The following PRDM11 variants were observed in gnomAD, a reference collection of about 807,000 sequenced individuals.
PRDM11 encodes PR/SET domain 11, also known as PR domain-containing protein 11.
Under a neutral mutation model 97.8 loss-of-function variants are expected in PRDM11, and 20 were observed. The observed-to-expected ratio is 0.20, with a 90% confidence interval of 0.14 to 0.30. The LOEUF is 0.30. Among genes scored for constraint, PRDM11 ranks in the 10% least tolerant of loss-of-function variants. The pLI is 1.00. For synonymous variants in PRDM11, 599 were observed against 637.7 expected (o/e 0.94, Z 0.91); for missense variants, 1,139 against 1,555.2 (o/e 0.73, Z 4.50).
chr11:45,169,059 C>T (rs1292944116), intron 1 of PRDM11, among the ~76,000 whole-genome samples: 1 of 152,214 alleles, frequency 6.6e-6, no homozygotes, highest in African/African-American at 2.4e-5. Context: ...CCCCCTCTGC[C>T]TGCCTCACCC....
chr11:45,226,180 C>T lies in PRDM11; in HGVS notation c.1555C>T (p.Arg519Trp), dbSNP rs765898182. The T allele has an allele frequency of 6.5e-7, 1 of 1,533,124 alleles. No individual in the cohort carries two copies. Among genetic ancestry groups the T allele is most frequent in the Non-Finnish European group, 8.7e-7 (1 of 1,145,990 alleles). 95.0% of individuals were successfully genotyped at this position (1,533,124 alleles called of 1,614,324 possible). ...ATGGCTGAAGAAGTTCTGGTTCCTG[C>T]GGTACTCCCCAACCCTCAATGAGAT... ...QEWLKKFWFLRYSPTLNEMWC... is the reference protein window; with the variant it reads ...QEWLKKFWFLWYSPTLNEMWC... Residue 519 changes from arginine (R) to tryptophan (W), a missense_variant, in exon 8 of 8, where the codon CGG (arginine) becomes TGG (tryptophan). This residue lies in a region of PRDM11 where 710 missense variants were observed against 1,044.9 expected (regional missense o/e 0.68). Transcript: ENST00000683152.
In PRDM11 at chr11:45,232,178, A is replaced by G. The variant is rs1854410614; in HGVS notation, c.*4019A>G. 6.6e-6 allele frequency: 1 copy of G among 152,084 alleles called. No homozygotes were observed. The highest frequency in any genetic ancestry group is 2.1e-4 in the South Asian group (1 of 4,826). The allele number at this position is 152,084 out of a possible 1,614,324, so 9.4% of individuals were successfully genotyped here. On this transcript the variant is annotated 3_prime_UTR_variant, in exon 8 of 8. Transcript: ENST00000683152. ...TTGGAGGTGGTGCCAACAGGGGGGA[A>G]AGCATGCAGAAGGCTGGAAACAATA...
intron 5 of PRDM11, among the ~76,000 whole-genome samples, chr11:45,218,023 T>C (rs1388968567): frequency 6.6e-6 from 1 of 152,246 alleles, no homozygotes; most frequent in Non-Finnish European, 1.5e-5. Flanking sequence ...TCCAGTCCTA[T>C]TGTTCTCACA....
rs1854431613 is a variant in PRDM11 at position 45,233,115 on chromosome 11, A to G, written c.*4956A>G. The G allele has an allele frequency of 6.6e-6, 1 of 152,196 alleles. No homozygotes were observed. Among genetic ancestry groups the G allele is most frequent in the African/African-American group, 2.4e-5 (1 of 41,460 alleles). 9.4% of individuals were successfully genotyped at this position (152,196 alleles called of 1,614,324 possible). A position where few individuals can be genotyped will look rare whatever the true frequency, so the allele number is the denominator to read the frequency against. The stretch of plus-strand genomic sequence containing the variant: ...TCTATATATCTATAAATAATATCCT[A>G]TATATTTATACATTTCTATGTTTTA... On this transcript the variant is annotated 3_prime_UTR_variant, in exon 8 of 8. Coordinates refer to ENST00000683152, the MANE Select transcript of PRDM11 (RefSeq NM_001384648.1).
At position 45,146,780 on chromosome 11, in the gene PRDM11, C is replaced by T. The variant is rs1187959958; in HGVS notation, c.-104C>T. The T allele has an allele frequency of 1.4e-5, 2 of 144,660 alleles. No individual in the cohort carries two copies. The highest frequency in any genetic ancestry group is 3.1e-5 in the Non-Finnish European group (2 of 65,466). 9.0% of individuals were successfully genotyped at this position (144,660 alleles called of 1,614,324 possible). ...GCCCGCAGCGCGGCCGCTCCCTCCGCGGGGGCCGCCAGCCGAGGCCGCGCC... is the reference window on the plus strand; with the variant it reads ...GCCCGCAGCGCGGCCGCTCCCTCCGTGGGGGCCGCCAGCCGAGGCCGCGCC... On this transcript the variant is annotated 5_prime_UTR_variant, in exon 1 of 8. Coordinates refer to ENST00000683152, the MANE Select transcript of PRDM11 (RefSeq NM_001384648.1).
intron 6 of PRDM11, among the ~76,000 whole-genome samples, chr11:45,220,020 C>A (rs927246134): frequency 2.6e-5 from 4 of 152,160 alleles, no homozygotes; most frequent in Non-Finnish European, 5.9e-5. Context: ...GCCCCCAAAA[C>A]CGAGCAAATA....
intron 4 of PRDM11, among the ~76,000 whole-genome samples, chr11:45,197,197 A>G (rs2135777878): frequency 6.6e-6 from 1 of 152,328 alleles, no homozygotes; most frequent in Admixed American, 6.5e-5. Flanking sequence ...GCCATTTGCA[A>G]CAACATGGGT....
Position 45,119,159 on chromosome 11 carries a change from C to A in PRDM11, c.96+23258C>A, listed in dbSNP as rs1222446586. 2.6e-5 allele frequency among the ~76,000 whole-genome samples: 4 copies of A among 152,304 alleles called. No homozygotes were observed. The South Asian group carries it at 6.2e-4, about 24-fold the overall frequency. ...TATAATGACAAAGGAGAAACTCTTG[C>A]ATAGGTGGTTAGGAGACCAAATCAC... is the stretch of plus-strand genomic sequence containing the variant. On this transcript the variant is annotated intron_variant, in intron 1 of 6. Coordinates refer to the PRDM11 transcript ENST00000530656.
At chr11:45,140,098 T>C (rs1379177452) in intron 1 of PRDM11, among the ~76,000 whole-genome samples, 5 of 152,186 alleles carry the variant, frequency 3.3e-5, no homozygotes, top group Non-Finnish European at 7.4e-5. Context: ...AAAAGGACAT[T>C]TGAACACCAA....
intron 1 of PRDM11, among the ~76,000 whole-genome samples, chr11:45,104,130 G>T (rs1852023195): frequency 6.6e-6 from 1 of 152,244 alleles, no homozygotes; most frequent in African/African-American, 2.4e-5. Context: ...GGGCAACAGA[G>T]CTGTGTGGAC....
At chr11:45,161,658 C>T (rs1272473467) in intron 1 of PRDM11, among the ~76,000 whole-genome samples, 1 of 152,252 alleles carries the variant, frequency 6.6e-6, no homozygotes, top group Non-Finnish European at 1.5e-5. Flanking sequence ...GGCTCTGGGC[C>T]ACACTGGCTG....
chr11:45,095,691 GA>G, upstream of PRDM11: 3 of 653,798 alleles, frequency 4.6e-6, no homozygotes, highest in Non-Finnish European at 8.3e-6. Flanking sequence ...TCCTCTTGGG[GA>G]AAGGCATTCT....
In PRDM11 at chr11:45,183,039, G is replaced by T; in HGVS notation, c.402G>T (p.Glu134Asp). 1 of 1,614,138 alleles carries T rather than the reference G, an allele frequency of 6.2e-7. No individual in the cohort carries two copies. The highest frequency in any genetic ancestry group is 8.5e-7 in the Non-Finnish European group (1 of 1,180,034). ...AGAGTGACGTGCGATGTGTAAACGA[G>T]GTCATCCCCAAGGGCCACATCTTCG... ...SGESDVRCVN[E>D]VIPKGHIFGP... Residue 134 changes from glutamate (E) to aspartate (D), a missense_variant, in exon 4 of 8, where the codon GAG becomes GAT. Coordinates refer to ENST00000683152, the MANE Select transcript of PRDM11 (RefSeq NM_001384648.1).
rs767802218 is a variant in PRDM11, at chr11:45,101,567, A to AAAAAAAAGAAGAAG, written c.96+5668_96+5669insAAAAAGAAGAAGAA. Reference sequence around the variant, plus strand: ...CAACACTCTGTCTCAAAAAAAAAAAAAAGAAGAAGAAGAAGAAGAAGAAGA... The same window carrying AAAAAAAAGAAGAAG: ...CAACACTCTGTCTCAAAAAAAAAAAAAAAAAAAGAAGAAGAAGAAGAAGAAGAAGAAGAAGAAGA... On this transcript the variant is annotated intron_variant, in intron 1 of 6. Coordinates refer to the PRDM11 transcript ENST00000530656. 1.3e-3 allele frequency among the ~76,000 whole-genome samples: 130 copies of AAAAAAAAGAAGAAG among 96,858 alleles called. 6 individuals are homozygous for AAAAAAAAGAAGAAG. The highest frequency in any genetic ancestry group is 6.0e-3 in the African/African-American group (123 of 20,544). The allele number at this position is 96,858 out of a possible 152,430, so 63.5% of individuals were successfully genotyped here.
rs147662813 is a variant in PRDM11, at chr11:45,220,112, G to A, written c.742+355G>A. ...AACTGCCACTGCCTCAATAATGATC[G>A]TAATAATAGGTAACATTTACTAAAT... is the stretch of plus-strand genomic sequence containing the variant. On this transcript the variant is annotated intron_variant, in intron 6 of 7. Coordinates refer to ENST00000683152, the MANE Select transcript of PRDM11 (RefSeq NM_001384648.1). Among the ~76,000 whole-genome samples, 355 of 152,230 alleles carry A rather than the reference G, an allele frequency of 2.3e-3. 1 individual carries two copies. In the Middle Eastern group the frequency reaches 0.031, roughly 13 times the overall value.
At chr11:45,157,657 C>G (rs1851833437) in intron 1 of PRDM11, among the ~76,000 whole-genome samples, 1 of 152,226 alleles carries the variant, frequency 6.6e-6, no homozygotes. Flanking sequence ...CTCTTTGTCC[C>G]CTGAGTCGGT....
chr11:45,199,420 C>G (rs1027274373), intron 4 of PRDM11, among the ~76,000 whole-genome samples: 2 of 152,156 alleles, frequency 1.3e-5, no homozygotes, highest in African/African-American at 4.8e-5. Flanking sequence ...TTCTAACCAT[C>G]CTGTCCCCAC....
intron 1 of PRDM11, among the ~76,000 whole-genome samples, chr11:45,110,564 C>T (rs1450206436): frequency 6.6e-6 from 1 of 152,226 alleles, no homozygotes; most frequent in Non-Finnish European, 1.5e-5. Flanking sequence ...CTCCTCTGAC[C>T]TGGGGGCTAA....
intron 4 of PRDM11, among the ~76,000 whole-genome samples, chr11:45,195,442 A>C (rs1188710343): frequency 6.6e-6 from 1 of 151,326 alleles, no homozygotes; most frequent in African/African-American, 2.4e-5. Flanking sequence ...GGATTTTTCT[A>C]TTCTGGCCTT....
Sources: allele counts gnomAD v4.1 joint callset (sites outside exome capture counted in the v4.1 genomes callset), GRCh38; gene constraint gnomAD v4.1.1; regional missense constraint gnomAD v4.1.1; transcripts MANE v1.5; gene names NCBI Gene and HGNC (gene_info 2026-07-23, HGNC 2026-07-21).